Variants in PPTC7 observed in about 807,000 individuals in gnomAD.
PPTC7 encodes the protein protein phosphatase PTC7 homolog.
In PPTC7, 6 loss-of-function variants were observed where a neutral mutation model predicts 30.8. The observed-to-expected ratio is 0.19, with a 90% CI of 0.11 to 0.38. The LOEUF is 0.38. Ranked by LOEUF, PPTC7 falls within the 10% of genes least tolerant of loss-of-function variation. The probability of loss-of-function intolerance (pLI) is 1.00; values close to 1 mark genes in which losing one functional copy is unlikely to be tolerated. For synonymous variants in PPTC7, 163 were observed against 168.1 expected, an observed-to-expected ratio of 0.97 and a Z score of 0.23; for missense variants, 218 against 404.8, an observed-to-expected ratio of 0.54 and a Z score of 3.96.
rs2064195071 is a variant in PPTC7 at position 110,533,885 on chromosome 12, C to CA, written c.*3151dup. The CA allele has an allele frequency of 6.6e-6, 1 of 152,272 alleles. No individual in the cohort carries two copies. The highest frequency in any genetic ancestry group is 6.5e-5 in the Admixed American group (1 of 15,290). The allele number at this position is 152,272 out of a possible 1,614,324, so 9.4% of individuals were successfully genotyped here. On this transcript the variant is annotated 3_prime_UTR_variant, in exon 6 of 6. Coordinates refer to ENST00000354300, the MANE Select transcript of PPTC7 (RefSeq NM_139283.2). ...CCGGGCTACTGTCCTATCCAGAACA[C>CA]ACGCAGCTGATAGAGGAGAGGACGC...
At chr12:110,566,411 G>A (rs2064483388) in intron 1 of PPTC7, among the ~76,000 whole-genome samples, 1 of 152,178 alleles carries the variant, frequency 6.6e-6, no homozygotes, top group South Asian at 2.1e-4. Flanking sequence ...GCAGATCTGG[G>A]TTCAAACTCC....
In PPTC7 at chr12:110,571,561, G is replaced by A. The variant is rs1233827283; in HGVS notation, c.223+11248C>T. Among the ~76,000 whole-genome samples, 6 of 152,154 alleles carry A rather than the reference G, an allele frequency of 3.9e-5. No individual in the cohort carries two copies. In the East Asian group the frequency reaches 7.7e-4, roughly 20 times the overall value. The stretch of plus-strand genomic sequence containing the variant: ...CCCCTACAGTATTAATTGACTTCAC[G>A]AAGTCAAATGATCTATAAATACTCA... On this transcript the variant is annotated intron_variant, in intron 1 of 5. Coordinates refer to ENST00000354300, the MANE Select transcript of PPTC7 (RefSeq NM_139283.2).
At chr12:110,559,660 A>T (rs1370125898) in intron 1 of PPTC7, among the ~76,000 whole-genome samples, 2 of 147,154 alleles carry the variant, frequency 1.4e-5, no homozygotes, top group Admixed American at 1.4e-4. Flanking sequence ...TGGGAGGTGG[A>T]GGTTGCAATG....
At chr12:110,558,712 G>A (rs905209676) in intron 1 of PPTC7, among the ~76,000 whole-genome samples, 3 of 151,654 alleles carry the variant, frequency 2.0e-5, no homozygotes, top group East Asian at 2.0e-4. Context: ...TGCAACCTCC[G>A]CTTCCCAGGT....
At position 110,545,920 on chromosome 12, in the gene PPTC7, T is replaced by C. The variant is rs747451267; in HGVS notation, c.562A>G (p.Ile188Val). The change falls in exon 3 of 6, where the codon ATC becomes GTC. Residue 188 changes from isoleucine (I) to valine (V), a missense_variant. Ile to Val is a conservative substitution (Grantham distance 29). Transcript: ENST00000354300. ...ACTCCCTCGGCTTCAGGGGGAGCGA[T>C]TGAGAGCTGGAATGGAGTGTTGAAG... ...HYFNTPFQLS[I>V]APPEAEGVVL... 32 of 1,613,750 alleles carry C rather than the reference T, an allele frequency of 2.0e-5. No individual in the cohort carries two copies. Among genetic ancestry groups the C allele is most frequent in the Non-Finnish European group, 2.5e-5 (30 of 1,179,986 alleles).
At position 110,533,649 on chromosome 12, in the gene PPTC7, A is replaced by C. The variant is rs2064190675; in HGVS notation, c.*3388T>G. On this transcript the variant is annotated 3_prime_UTR_variant, in exon 6 of 6. Transcript: ENST00000354300. ...CAAAAATGTGATACAGTTTCCAGAGAAACTGAATGCTGTAGCTTCTACCAA... is the reference window on the plus strand; with the variant it reads ...CAAAAATGTGATACAGTTTCCAGAGCAACTGAATGCTGTAGCTTCTACCAA... The C allele has an allele frequency of 6.6e-6, 1 of 152,220 alleles. No homozygotes were observed. The highest frequency in any genetic ancestry group is 2.4e-5 in the African/African-American group (1 of 41,456). 9.4% of individuals were successfully genotyped at this position (152,220 alleles called of 1,614,324 possible). A position where few individuals can be genotyped will look rare whatever the true frequency, so the allele number is the denominator to read the frequency against.
intron 1 of PPTC7, among the ~76,000 whole-genome samples, chr12:110,582,045 C>T (rs1175283695): frequency 6.6e-6 from 1 of 152,162 alleles, no homozygotes; most frequent in African/African-American, 2.4e-5. Context: ...TAGTCTCCCA[C>T]CCCCAAAAGG....
Position 110,553,000 on chromosome 12 carries a change from G to A in PPTC7, c.224-1032C>T, listed in dbSNP as rs868309756. Among the ~76,000 whole-genome samples the A allele has an allele frequency of 2.5e-4, 38 of 151,280 alleles. 1 individual carries two copies. Among genetic ancestry groups the A allele is most frequent in the African/African-American group, 8.5e-4 (35 of 41,326 alleles). The stretch of plus-strand genomic sequence containing the variant: ...AGATCGAGACCAGCCTGACCAACAT[G>A]GTGAAACCCCGTTTCTACTAAAAAT... On this transcript the variant is annotated intron_variant, in intron 1 of 5. Coordinates refer to ENST00000354300, the MANE Select transcript of PPTC7 (RefSeq NM_139283.2).
chr12:110,537,196 G>A, intron 5 of PPTC7, 101 bp from the exon 6 acceptor site: 2 of 940,126 alleles, frequency 2.1e-6, no homozygotes, highest in South Asian at 1.5e-5. Flanking sequence ...TTGCATTCCA[G>A]GCAGTTTTGG....
intron 1 of PPTC7, among the ~76,000 whole-genome samples, chr12:110,553,237 C>T (rs1349015070): frequency 6.6e-6 from 1 of 151,668 alleles, no homozygotes; most frequent in Non-Finnish European, 1.5e-5. Context: ...AACCTCTCCG[C>T]CTCCTGGGTT....
intron 2 of PPTC7, 39 bp downstream of exon 2, chr12:110,551,750 G>A (rs748922627): frequency 5.7e-5 from 90 of 1,569,114 alleles, no homozygotes; most frequent in Admixed American, 1.1e-4. Context: ...ACTATCTAGG[G>A]GGCTTCTTTA....
rs1033055826 is a variant in PPTC7 at position 110,533,719 on chromosome 12, A to G, written c.*3318T>C. The G allele has an allele frequency of 2.0e-5, 3 of 152,244 alleles. No homozygotes were observed. The highest frequency in any genetic ancestry group is 7.2e-5 in the African/African-American group (3 of 41,458). The allele number at this position is 152,244 out of a possible 1,614,324, so 9.4% of individuals were successfully genotyped here. On this transcript the variant is annotated 3_prime_UTR_variant, in exon 6 of 6. Coordinates refer to ENST00000354300, the MANE Select transcript of PPTC7 (RefSeq NM_139283.2). ...GACCTAAAGAACCATGAACTCATCC[A>G]AAGTACAAACGTTTACAATTCGAGC...
chr12:110,556,445 T>C (rs1277447374), intron 1 of PPTC7, among the ~76,000 whole-genome samples: 1 of 152,198 alleles, frequency 6.6e-6, no homozygotes, highest in East Asian at 1.9e-4. Flanking sequence ...TTTATTCATA[T>C]TAGGTGGTTG....
At chr12:110,566,806 C>T (rs2064487649) in intron 1 of PPTC7, among the ~76,000 whole-genome samples, 2 of 152,172 alleles carry the variant, frequency 1.3e-5, no homozygotes, top group Admixed American at 6.5e-5. Context: ...ACATCCACCA[C>T]CATTCAATAT....
intron 1 of PPTC7, among the ~76,000 whole-genome samples, chr12:110,563,122 C>CAAAAAA (rs766517371): frequency 2.0e-3 from 86 of 42,904 alleles, no homozygotes; most frequent in Non-Finnish European, 2.5e-3. Context: ...GACTCCATCT[C>CAAAAAA]AAAAAAAAAA....
rs1358266710 is a variant in PPTC7 at position 110,547,062 on chromosome 12, C to CTT, written c.404-985_404-984insAA. Among the ~76,000 whole-genome samples, 3 of 152,234 alleles carry CTT rather than the reference C, an allele frequency of 2.0e-5. No individual in the cohort carries two copies. The East Asian group carries it at 5.8e-4, about 29-fold the overall frequency. ...CGCAAGATAGCCCGGAAAAATGTAC[C>CTT]TCCTTTCATCTAGCAATTCCATCTC... is the stretch of plus-strand genomic sequence containing the variant. On this transcript the variant is annotated intron_variant, in intron 2 of 5. Coordinates refer to ENST00000354300, the MANE Select transcript of PPTC7 (RefSeq NM_139283.2).
chr12:110,538,259 C>G lies in PPTC7; in HGVS notation c.741G>C (p.Glu247Asp), dbSNP rs1339029466. The change falls in exon 5 of 6, where the codon GAG (glutamate) becomes GAC (aspartate). Residue 247 changes from glutamate to aspartate, a missense_variant. Glu to Asp is a conservative substitution (Grantham distance 45). Transcript: ENST00000354300. ...ELKKLKNSNY[E>D]SIQQTARSIA... ...TGCTTCTGGCAGTCTGTTGTATACT[C>G]TCATAATTTGAATTCTAAGATAAAG... 4 of 1,613,862 alleles carry G rather than the reference C, an allele frequency of 2.5e-6. No individual in the cohort carries two copies. Among genetic ancestry groups the G allele is most frequent in the Non-Finnish European group, 3.4e-6 (4 of 1,179,892 alleles).
intron 3 of PPTC7, among the ~76,000 whole-genome samples, chr12:110,542,734 C>G (rs541418093): frequency 1.2e-4 from 16 of 131,782 alleles, no homozygotes; most frequent in African/African-American, 4.2e-4. Context: ...CATAAAGAAA[C>G]CTTTGAGGAC....
rs1235912435 is a variant in PPTC7, at chr12:110,536,175, G to A, written c.*862C>T. 6.6e-6 allele frequency: 1 copy of A among 152,192 alleles called. No individual in the cohort carries two copies. Among genetic ancestry groups the A allele is most frequent in the Non-Finnish European group, 1.5e-5 (1 of 68,030 alleles). 9.4% of individuals were successfully genotyped at this position (152,192 alleles called of 1,614,324 possible). A position where few individuals can be genotyped will look rare whatever the true frequency, so the allele number is the denominator to read the frequency against. On this transcript the variant is annotated 3_prime_UTR_variant, in exon 6 of 6. Transcript: ENST00000354300. ...CCTTGGGACCTAGAGTTCCCATTCAGGGGCATTCTATCAGACAACTAGGAG... is the reference window on the plus strand; with the variant it reads ...CCTTGGGACCTAGAGTTCCCATTCAAGGGCATTCTATCAGACAACTAGGAG...
Sources: allele counts gnomAD v4.1 joint callset (sites outside exome capture counted in the v4.1 genomes callset), GRCh38; gene constraint gnomAD v4.1.1; transcripts MANE v1.5; gene names NCBI Gene and HGNC (gene_info 2026-07-23, HGNC 2026-07-21).